KIF3B: variants seen among roughly 807,000 people sequenced by gnomAD.
KIF3B encodes the protein kinesin-like protein KIF3B.
Under a neutral mutation model 74.3 loss-of-function variants are expected in KIF3B, and 38 were observed. The ratio of observed to expected loss-of-function variants is 0.51; its 90% CI spans 0.39 to 0.67. The LOEUF (loss-of-function observed/expected upper bound fraction) is 0.67, where lower values mean the gene tolerates loss of function less well. Ranked by LOEUF, KIF3B falls within the 30% of genes least tolerant of loss-of-function variation. KIF3B has a pLI of 0.00. For synonymous variants in KIF3B, 326 were observed against 342.5 expected (o/e 0.95, Z 0.53); for missense variants, 649 against 932.0 (o/e 0.70, Z 3.95).
intron 1 of KIF3B, among the ~76,000 whole-genome samples, chr20:32,288,617 C>T (rs774577474): frequency 4.6e-5 from 7 of 152,054 alleles, no homozygotes; most frequent in Non-Finnish European, 1.0e-4. Context: ...GAAGAATTCC[C>T]TGTGAGTAGG....
intron 5 of KIF3B, among the ~76,000 whole-genome samples, chr20:32,320,419 A>G (rs1259235690): frequency 6.6e-6 from 1 of 151,354 alleles, no homozygotes; most frequent in Non-Finnish European, 1.5e-5. Context: ...TGGACCTTTC[A>G]TATAAGTTTA....
At chr20:32,300,966 G>T (rs1281734529) in intron 1 of KIF3B, among the ~76,000 whole-genome samples, 1 of 151,522 alleles carries the variant, frequency 6.6e-6, no homozygotes, top group Non-Finnish European at 1.5e-5. Flanking sequence ...GGGCTTACGT[G>T]ATCCTCTCGC....
intron 1 of KIF3B, among the ~76,000 whole-genome samples, chr20:32,291,193 A>C (rs984441352): frequency 6.6e-6 from 1 of 152,236 alleles, no homozygotes; most frequent in Non-Finnish European, 1.5e-5. Flanking sequence ...AACAATGTGA[A>C]TATAGTTAAC....
At chr20:32,327,940 A>C (rs1400023623) in intron 7 of KIF3B, among the ~76,000 whole-genome samples, 1 of 151,680 alleles carries the variant, frequency 6.6e-6, no homozygotes, top group Non-Finnish European at 1.5e-5. Context: ...AACTCTACTA[A>C]AAATACAAAA....
At chr20:32,321,582 A>G (rs532852029) in intron 5 of KIF3B, among the ~76,000 whole-genome samples, 11 of 152,260 alleles carry the variant, frequency 7.2e-5, no homozygotes, top group Admixed American at 1.3e-4. Flanking sequence ...GAAATCAGGA[A>G]GTGTGAGTCC....
chr20:32,303,869 AAAAAAG>A (rs1320470240), intron 1 of KIF3B, among the ~76,000 whole-genome samples: 3 of 151,972 alleles, frequency 2.0e-5, no homozygotes, highest in Non-Finnish European at 2.9e-5. Context: ...AAAAAAAAAA[AAAAAAG>A]AAAGAAAAAG....
At chr20:32,288,302 A>G (rs1206872319) in intron 1 of KIF3B, among the ~76,000 whole-genome samples, 5 of 152,094 alleles carry the variant, frequency 3.3e-5, no homozygotes, top group Non-Finnish European at 7.4e-5. Flanking sequence ...CAGCCTGGGC[A>G]GCATAGTGAG....
chr20:32,293,953 G>A (rs562816719), intron 1 of KIF3B, among the ~76,000 whole-genome samples: 5 of 152,194 alleles, frequency 3.3e-5, no homozygotes, highest in Admixed American at 1.3e-4. Flanking sequence ...CTTAATTGTC[G>A]TGTAACCTTG....
chr20:32,309,679 G>A lies in KIF3B; in HGVS notation c.-65-34G>A, dbSNP rs750401264. The A allele has an allele frequency of 1.5e-4, 211 of 1,369,106 alleles. 1 individual carries two copies. Among genetic ancestry groups the A allele is most frequent in the Middle Eastern group, 1.2e-3 (5 of 4,154 alleles). 84.8% of individuals were successfully genotyped at this position (1,369,106 alleles called of 1,614,324 possible). On this transcript the variant is annotated intron_variant, in intron 1 of 8. Transcript: ENST00000375712. ...TGTCAGGCAGGCTGCAATGACAACGGTACTGTGCTTATTTACTTTTGCTTT... is the reference window on the plus strand; with the variant it reads ...TGTCAGGCAGGCTGCAATGACAACGATACTGTGCTTATTTACTTTTGCTTT...
chr20:32,282,279 G>A (rs998988729), intron 1 of KIF3B, among the ~76,000 whole-genome samples: 4 of 152,122 alleles, frequency 2.6e-5, no homozygotes, highest in African/African-American at 9.7e-5. Context: ...GGCGGGATGA[G>A]GGTGAGAGAA....
rs902756064 is a variant in KIF3B, at chr20:32,310,149, C to T, written c.372C>T (p.Asp124=). The T allele has an allele frequency of 6.2e-7, 1 of 1,613,700 alleles. No individual in the cohort carries two copies. The highest frequency in any genetic ancestry group is 1.3e-5 in the African/African-American group (1 of 75,024). Residue 124 remains aspartate (D), a synonymous_variant, in exon 2 of 9, where the codon GAC becomes GAT. Coordinates refer to ENST00000375712, the MANE Select transcript of KIF3B (RefSeq NM_004798.4). This position sits in a 1 kb window ranked among gnomAD's most constrained non-coding sequence, Gnocchi z 6.5. ...EKRGVIPNSF[D]HIFTHISRSQ... Reference sequence around the variant, plus strand: ...GAGGAGTCATTCCTAACTCATTTGACCATATCTTCACCCACATCTCTCGAT... The same window carrying T: ...GAGGAGTCATTCCTAACTCATTTGATCATATCTTCACCCACATCTCTCGAT...
chr20:32,327,480 A>G (rs1043931730), intron 6 of KIF3B, 76 bp from the exon 7 acceptor site: 3 of 1,179,364 alleles, frequency 2.5e-6, no homozygotes, highest in Non-Finnish European at 3.8e-6. Context: ...TACTTGCTTC[A>G]GGTTCTGTCA....
Position 32,279,159 on chromosome 20 carries a change from G to A in KIF3B, c.-66+1394G>A, listed in dbSNP as rs2047630553. Among the ~76,000 whole-genome samples the A allele has an allele frequency of 2.0e-5, 3 of 152,070 alleles. No individual in the cohort carries two copies. In the South Asian group the frequency reaches 6.2e-4, roughly 31 times the overall value. On this transcript the variant is annotated intron_variant, in intron 1 of 8. Transcript: ENST00000375712. Reference sequence around the variant, plus strand: ...GCTGGTCTCGAACTCCTGGCCTCAAGTGATATACCTGCCTCGGCCTCCCAA... The same window carrying A: ...GCTGGTCTCGAACTCCTGGCCTCAAATGATATACCTGCCTCGGCCTCCCAA...
At chr20:32,325,666 T>C (rs1005745630) in intron 5 of KIF3B, among the ~76,000 whole-genome samples, 12 of 121,950 alleles carry the variant, frequency 9.8e-5, no homozygotes, top group Middle Eastern at 3.9e-3. Context: ...TTTTTTTTTT[T>C]TTTTTTTTTT....
At chr20:32,279,644 T>C (rs532927109) in intron 1 of KIF3B, among the ~76,000 whole-genome samples, 1 of 152,188 alleles carries the variant, frequency 6.6e-6, no homozygotes, top group African/African-American at 2.4e-5. Context: ...TTTGTATTTT[T>C]AGTAGAGATG....
chr20:32,322,928 A>ATT (rs1416718171), intron 5 of KIF3B, among the ~76,000 whole-genome samples: 15 of 58,216 alleles, frequency 2.6e-4, no homozygotes, highest in Admixed American at 1.7e-3. Flanking sequence ...ATTTATATAT[A>ATT]CATATTTATA....
At chr20:32,302,315 A>G (rs1257563233) in intron 1 of KIF3B, among the ~76,000 whole-genome samples, 2 of 152,220 alleles carry the variant, frequency 1.3e-5, no homozygotes, top group Non-Finnish European at 2.9e-5. Flanking sequence ...GAGTTCAGAA[A>G]AGAAATGGTG....
intron 1 of KIF3B, among the ~76,000 whole-genome samples, chr20:32,295,316 A>G (rs528766887): frequency 4.2e-4 from 64 of 151,414 alleles, no homozygotes; most frequent in Non-Finnish European, 7.7e-4. Context: ...CTTTTGTGAC[A>G]GAATCTCGCT....
At chr20:32,289,550 A>T (rs2047681782) in intron 1 of KIF3B, among the ~76,000 whole-genome samples, 1 of 152,160 alleles carries the variant, frequency 6.6e-6, no homozygotes, top group Non-Finnish European at 1.5e-5. Flanking sequence ...GATCAAGCTT[A>T]AGGCCTCAGA....
Sources: allele counts gnomAD v4.1 joint callset (sites outside exome capture counted in the v4.1 genomes callset), GRCh38; gene constraint gnomAD v4.1.1; non-coding constraint Gnocchi (gnomAD v3.1); transcripts MANE v1.5; gene names NCBI Gene and HGNC (gene_info 2026-07-23, HGNC 2026-07-21).